LIN7A: variants seen among roughly 807,000 people sequenced by gnomAD.
The protein encoded by LIN7A is lin-7 cell polarity scaffold A.
A neutral mutation model predicts 29.8 loss-of-function variants in LIN7A; 25 were observed. That is an observed-to-expected ratio of 0.84 (90% CI 0.61 to 1.17). The LOEUF is 1.17. LIN7A is among the 50% of genes most tolerant of loss of function. The probability of loss-of-function intolerance (pLI) is 0.00; values close to 1 mark genes in which losing one functional copy is unlikely to be tolerated. For synonymous variants in LIN7A, 118 were observed against 107.5 expected, an observed-to-expected ratio of 1.10 and a Z score of -0.60; for missense variants, 239 against 287.0, an observed-to-expected ratio of 0.83 and a Z score of 1.21.
intron 5 of LIN7A, among the ~76,000 whole-genome samples, chr12:80,803,743 C>T (rs1592844953): frequency 6.6e-6 from 1 of 152,084 alleles, no homozygotes; most frequent in Non-Finnish European, 1.5e-5. Context: ...TTATTTTAAG[C>T]TACTATATTT....
chr12:80,930,831 T>C (rs1214470290), intron 1 of LIN7A, among the ~76,000 whole-genome samples: 1 of 152,220 alleles, frequency 6.6e-6, no homozygotes, highest in Non-Finnish European at 1.5e-5. Context: ...TTTTGTTTTG[T>C]TTTGTTTTGT....
At chr12:80,907,828 A>G (rs1876564436) in intron 1 of LIN7A, among the ~76,000 whole-genome samples, 1 of 152,152 alleles carries the variant, frequency 6.6e-6, no homozygotes, top group East Asian at 1.9e-4. Context: ...AGTAATAAAT[A>G]TAAGAAGGTA....
chr12:80,899,049 T>C (rs1876059474), intron 1 of LIN7A, among the ~76,000 whole-genome samples: 1 of 152,206 alleles, frequency 6.6e-6, no homozygotes, highest in African/African-American at 2.4e-5. Flanking sequence ...GGCATCCTTG[T>C]CTTTTTCTCA....
At chr12:80,885,764 G>A (rs1875294176) in intron 2 of LIN7A, among the ~76,000 whole-genome samples, 1 of 151,864 alleles carries the variant, frequency 6.6e-6, no homozygotes, top group African/African-American at 2.4e-5. Flanking sequence ...CTCTTTTAAG[G>A]CCATCTATTT....
chr12:80,827,157 G>A (rs1439036736), intron 4 of LIN7A, among the ~76,000 whole-genome samples: 1 of 152,130 alleles, frequency 6.6e-6, no homozygotes, highest in African/African-American at 2.4e-5. Context: ...AGAGGCCAAG[G>A]TGAGCAGATC....
intron 5 of LIN7A, among the ~76,000 whole-genome samples, chr12:80,806,164 C>A (rs560725603): frequency 6.6e-6 from 1 of 152,040 alleles, no homozygotes; most frequent in East Asian, 1.9e-4. Flanking sequence ...CCAATTAAGT[C>A]TCTTTTTGTT....
At position 80,844,651 on chromosome 12, in the gene LIN7A, A is replaced by T. The variant is rs575209329; in HGVS notation, c.483+1079T>A. ...GTTTCTGTTTATATTTCTGAAATGT[A>T]TGCTTTTAGGTAATTTATGTTTAAT... On this transcript the variant is annotated intron_variant, in intron 4 of 5. Transcript: ENST00000552864. 7.5e-4 allele frequency among the ~76,000 whole-genome samples: 114 copies of T among 152,292 alleles called. 1 individual carries two copies. Among genetic ancestry groups the T allele is most frequent in the Non-Finnish European group, 1.3e-3 (89 of 68,004 alleles).
At chr12:80,857,132 C>A (rs928573386) in intron 2 of LIN7A, among the ~76,000 whole-genome samples, 9 of 152,144 alleles carry the variant, frequency 5.9e-5, no homozygotes, top group African/African-American at 2.2e-4. Context: ...GTCACGAGAA[C>A]TTAGGTGGGG....
intron 1 of LIN7A, among the ~76,000 whole-genome samples, chr12:80,897,284 T>C (rs982762712): frequency 2.6e-5 from 4 of 152,184 alleles, no homozygotes; most frequent in Non-Finnish European, 5.9e-5. Flanking sequence ...ACTTTTGTAT[T>C]TAATCTTGTA....
chr12:80,852,523 C>T (rs1037219886), intron 2 of LIN7A, among the ~76,000 whole-genome samples: 3 of 152,120 alleles, frequency 2.0e-5, no homozygotes, highest in African/African-American at 7.2e-5. Flanking sequence ...AAGTATGTGA[C>T]TTCACAAACC....
At chr12:80,921,004 A>C (rs143037374) in intron 1 of LIN7A, among the ~76,000 whole-genome samples, 2 of 152,300 alleles carry the variant, frequency 1.3e-5, no homozygotes, top group African/African-American at 4.8e-5. Flanking sequence ...ACGCTCTCTT[A>C]GCTCCAGCTG....
In LIN7A at chr12:80,836,628, C is replaced by G. The variant is rs540427418; in HGVS notation, c.483+9102G>C. Among the ~76,000 whole-genome samples, 4 of 152,182 alleles carry G rather than the reference C, an allele frequency of 2.6e-5. No individual in the cohort carries two copies. The East Asian group carries it at 7.7e-4, about 29-fold the overall frequency. On this transcript the variant is annotated intron_variant, in intron 4 of 5. Coordinates refer to ENST00000552864, the MANE Select transcript of LIN7A (RefSeq NM_004664.4). ...CAAGATCACGCCACTGCACTCCAGC[C>G]TGGGCCACAGAATGAGACCCTGTCT... is the stretch of plus-strand genomic sequence containing the variant.
At chr12:80,872,754 G>A (rs955262912) in intron 2 of LIN7A, among the ~76,000 whole-genome samples, 2 of 152,212 alleles carry the variant, frequency 1.3e-5, no homozygotes, top group Non-Finnish European at 2.9e-5. Flanking sequence ...ACATGCGGCA[G>A]TAGTTGGCTC....
Position 80,796,730 on chromosome 12 carries a change from G to T in LIN7A, c.*997C>A, listed in dbSNP as rs1870466756. 1 of 152,022 alleles carries T rather than the reference G, an allele frequency of 6.6e-6. No homozygotes were observed. Among genetic ancestry groups the T allele is most frequent in the African/African-American group, 2.4e-5 (1 of 41,346 alleles). The allele number at this position is 152,022 out of a possible 1,614,324, so 9.4% of individuals were successfully genotyped here. ...TGCACATATAATTTAGTTTTGCTAA[G>T]CTTTAAAATATGAAATAGGCTTCTA... On this transcript the variant is annotated 3_prime_UTR_variant, in exon 6 of 6. Transcript: ENST00000552864.
chr12:80,843,482 A>G (rs926158857), intron 4 of LIN7A, among the ~76,000 whole-genome samples: 1 of 152,190 alleles, frequency 6.6e-6, no homozygotes, highest in Admixed American at 6.5e-5. Context: ...CTTCTTGCTA[A>G]TTAACGTTTG....
chr12:80,925,663 C>T (rs1266784938), intron 1 of LIN7A, among the ~76,000 whole-genome samples: 3 of 152,096 alleles, frequency 2.0e-5, no homozygotes, highest in Admixed American at 2.0e-4. Flanking sequence ...AATTGGAGAG[C>T]TATTAAGTAG....
At position 80,793,729 on chromosome 12, in the gene LIN7A, T is replaced by C. The variant is rs924525345; in HGVS notation, c.*3998A>G. 6.6e-6 allele frequency: 1 copy of C among 152,140 alleles called. No individual in the cohort carries two copies. The highest frequency in any genetic ancestry group is 1.9e-4 in the East Asian group (1 of 5,200). 9.4% of individuals were successfully genotyped at this position (152,140 alleles called of 1,614,324 possible). ...GAAAGGATAAATGATCTTTTGAAAATAGGAAGAGATTTAGGGATGGTGTCT... is the reference window on the plus strand; with the variant it reads ...GAAAGGATAAATGATCTTTTGAAAACAGGAAGAGATTTAGGGATGGTGTCT... On this transcript the variant is annotated 3_prime_UTR_variant, in exon 6 of 6. Coordinates refer to ENST00000552864, the MANE Select transcript of LIN7A (RefSeq NM_004664.4).
intron 4 of LIN7A, among the ~76,000 whole-genome samples, chr12:80,831,189 A>G (rs375887278): frequency 1.3e-4 from 20 of 152,282 alleles, no homozygotes; most frequent in African/African-American, 4.8e-4. Context: ...AAACTGGCCA[A>G]GCAATGTTAT....
At chr12:80,891,909 G>T (rs1875647064) in intron 1 of LIN7A, among the ~76,000 whole-genome samples, 1 of 152,134 alleles carries the variant, frequency 6.6e-6, no homozygotes, top group African/African-American at 2.4e-5. Flanking sequence ...CTGAAAACAG[G>T]GTGAGAGTAG....
Sources: gnomAD v4.1 joint callset for allele counts (sites outside exome capture counted in the v4.1 genomes callset) on GRCh38, gnomAD v4.1.1 for gene constraint, MANE v1.5 for transcripts, NCBI Gene and HGNC (gene_info 2026-07-23, HGNC 2026-07-21) for gene names.